Variants in FAM186B observed in about 807,000 individuals in gnomAD.
FAM186B encodes protein FAM186B.
FAM186B carries 68 observed loss-of-function variants against 83.4 expected under a neutral mutation model. The ratio of observed to expected loss-of-function variants is 0.81; its 90% CI spans 0.67 to 1.00. The LOEUF is 1.00. FAM186B is among the 50% of genes least tolerant of loss of function. FAM186B has a pLI of 0.00. For synonymous variants in FAM186B, 389 were observed against 422.0 expected (o/e 0.92, Z 0.96); for missense variants, 983 against 1,099.2 (o/e 0.89, Z 1.49).
chr12:49,600,577 C>T lies in FAM186B; in HGVS notation c.1063G>A (p.Glu355Lys). The T allele has an allele frequency of 6.2e-7, 1 of 1,613,018 alleles. No individual in the cohort carries two copies. Among genetic ancestry groups the T allele is most frequent in the Non-Finnish European group, 8.5e-7 (1 of 1,179,510 alleles). Reference sequence around the variant, plus strand: ...TTCATCGGTTCCTGTTGGCTTTCCTCCATGACTGTTTCTTTCCTTGGGAGG... The same window carrying T: ...TTCATCGGTTCCTGTTGGCTTTCCTTCATGACTGTTTCTTTCCTTGGGAGG... ...ETLPRKETVM[E>K]ESQQEPMKEE... Residue 355 changes from glutamate to lysine, a missense_variant, in exon 4 of 7, where the codon GAG becomes AAG. Transcript: ENST00000257894. This position sits in a 1 kb window ranked among gnomAD's most constrained non-coding sequence, Gnocchi z 4.3.
chr12:49,608,049 GAAAAAAAAGTACTACAGACT>G (rs1940052869), upstream of FAM186B, among the ~76,000 whole-genome samples: 1 of 150,582 alleles, frequency 6.6e-6, no homozygotes, highest in Non-Finnish European at 1.5e-5. Flanking sequence ...GACAAGAAAA[GAAAAAAAAGTACTACAGACT>G]AATATTGCTC....
intron 5 of FAM186B, among the ~76,000 whole-genome samples, chr12:49,591,714 G>C (rs1484043320): frequency 1.3e-5 from 2 of 152,094 alleles, no homozygotes; most frequent in Non-Finnish European, 2.9e-5. Flanking sequence ...CTTGCTATCC[G>C]TGGGGTATTG....
At chr12:49,605,131 C>T (rs1028763631) in intron 1 of FAM186B, 2 of 1,309,764 alleles carry the variant, frequency 1.5e-6, no homozygotes, top group Non-Finnish European at 2.0e-6. Flanking sequence ...TGCCTCAGGG[C>T]TATCCTCGAG....
chr12:49,584,423 C>G, downstream of FAM186B: 3 of 689,704 alleles, frequency 4.3e-6, no homozygotes, highest in South Asian at 3.0e-5. Context: ...GCATTTTGAC[C>G]AAGTTCTCTG....
chr12:49,596,944 C>T (rs1373515580), intron 5 of FAM186B, among the ~76,000 whole-genome samples: 2 of 152,216 alleles, frequency 1.3e-5, no homozygotes, highest in Non-Finnish European at 2.9e-5. Context: ...AACAACATTT[C>T]AGTAAATGAT....
downstream of FAM186B, chr12:49,584,497 G>A (rs908622081): frequency 3.7e-5 from 26 of 702,346 alleles, no homozygotes; most frequent in Admixed American, 1.2e-4. Context: ...GACTGGGGCT[G>A]TCTTGATCCT....
the FAM186B span, among the ~76,000 whole-genome samples, chr12:49,616,250 G>A: frequency 1.2e-3 from 177 of 152,212 alleles, 4 homozygotes; most frequent in South Asian, 1.0e-3. Flanking sequence ...GGCTGGTCTC[G>A]AACTCCTGAC....
chr12:49,605,318 G>T (rs1939989154), intron 1 of FAM186B, 64 bp downstream of exon 1: 1 of 1,565,228 alleles, frequency 6.4e-7, no homozygotes, highest in Non-Finnish European at 8.7e-7. Context: ...TCAAACCTGG[G>T]ATCAGCCCCC....
At chr12:49,617,707 ATATACT>A in the FAM186B span, among the ~76,000 whole-genome samples, 8 of 151,988 alleles carry the variant, frequency 5.3e-5, no homozygotes, top group Non-Finnish European at 1.2e-4. Flanking sequence ...ACCAGTTAAA[ATATACT>A]TAAAGTTTCT....
In FAM186B at chr12:49,599,600, A is replaced by G; in HGVS notation, c.2040T>C (p.Ser680=). Residue 680 remains serine, a synonymous_variant, in exon 4 of 7, where the codon TCT becomes TCC. Coordinates refer to ENST00000257894, the MANE Select transcript of FAM186B (RefSeq NM_032130.3). ...RKNLQLLSEE[S]ELRLPHYLRS... ...GCAGGTAGTGGGGCAGCCTCAACTC[A>G]GACTCCTCACTCAGGAGCTGCAGGT... 1 of 1,612,562 alleles carries G rather than the reference A, an allele frequency of 6.2e-7. No homozygotes were observed. Among genetic ancestry groups the G allele is most frequent in the Non-Finnish European group, 8.5e-7 (1 of 1,179,194 alleles).
chr12:49,599,935 A>C lies in FAM186B; in HGVS notation c.1705T>G (p.Leu569Val), dbSNP rs1278368484. The part of the protein sequence containing the change: ...IFTPTSRWRD[L>V]EKAELSLVPA... Reference sequence around the variant, plus strand: ...ACTAATGATAGCTCTGCCTTCTCCAAGTCCCTCCATCGACTGGTGGGTGTG... The same window carrying C: ...ACTAATGATAGCTCTGCCTTCTCCACGTCCCTCCATCGACTGGTGGGTGTG... Residue 569 changes from leucine (L) to valine (V), a missense_variant, in exon 4 of 7, where the codon TTG (leucine) becomes GTG (valine). Coordinates refer to ENST00000257894, the MANE Select transcript of FAM186B (RefSeq NM_032130.3). 6.2e-7 allele frequency: 1 copy of C among 1,613,850 alleles called. No homozygotes were observed. Among genetic ancestry groups the C allele is most frequent in the Admixed American group, 1.7e-5 (1 of 59,990 alleles).
chr12:49,619,660 G>A, the FAM186B span: 2 of 306,420 alleles, frequency 6.5e-6, no homozygotes, highest in Non-Finnish European at 1.3e-5. Flanking sequence ...ACTTTAGTTA[G>A]ACATCTCTTT....
chr12:49,599,281 A>G (rs1565809448), intron 4 of FAM186B, among the ~76,000 whole-genome samples, 188 bp downstream of exon 4: 1 of 152,292 alleles, frequency 6.6e-6, no homozygotes, highest in East Asian at 1.9e-4. Context: ...TTCTTCTCAC[A>G]TCTTCAAGGG....
At chr12:49,602,927 G>A (rs545724121) in intron 3 of FAM186B, among the ~76,000 whole-genome samples, 4 of 152,274 alleles carry the variant, frequency 2.6e-5, no homozygotes, top group Admixed American at 1.3e-4. Flanking sequence ...CAGAACCTAC[G>A]TGAGGCCACA....
the FAM186B span, among the ~76,000 whole-genome samples, chr12:49,621,271 T>C: frequency 6.6e-6 from 1 of 152,172 alleles, no homozygotes; most frequent in Non-Finnish European, 1.5e-5. Context: ...GAGTCCCAGA[T>C]ACTTGGGAGG....
At position 49,588,576 on chromosome 12, in the gene FAM186B, C is replaced by T. The variant is rs770833500; in HGVS notation, c.2412G>A (p.Ser804=). 7 of 1,610,162 alleles carry T rather than the reference C, an allele frequency of 4.3e-6. No individual in the cohort carries two copies. The highest frequency in any genetic ancestry group is 4.0e-5 in the African/African-American group (3 of 74,860). ...GCAACTTGCATTTCTTTGGCTTTGG[C>T]GAGGTGACCTCAGGGATGTTCAGGT... ...NVHLNIPEVT[S]PKPKKCKLPA... The change falls in exon 6 of 7, where the codon TCG becomes TCA. Residue 804 remains serine, a synonymous_variant. Transcript: ENST00000257894.
At chr12:49,596,871 A>G (rs1939738998) in intron 5 of FAM186B, among the ~76,000 whole-genome samples, 1 of 152,246 alleles carries the variant, frequency 6.6e-6, no homozygotes, top group East Asian at 1.9e-4. Flanking sequence ...ATATGGAAAC[A>G]ACCGAGGTGC....
chr12:49,600,335 T>G lies in FAM186B; in HGVS notation c.1305A>C (p.Glu435Asp). ...FPKKWERPVA[E>D]SLGHKDKDQE... ...GGTCTTTGTCTTTGTGGCCTAAGCT[T>G]TCTGCCACCGGTCTTTCCCATTTCT... is the stretch of plus-strand genomic sequence containing the variant. Residue 435 changes from glutamate (E) to aspartate (D), a missense_variant, in exon 4 of 7, where the codon GAA (glutamate) becomes GAC (aspartate). Physicochemically the swap from Glu to Asp is conservative, Grantham distance 45. Transcript: ENST00000257894. The surrounding 1 kb of genome is among the most constrained non-coding windows in gnomAD (Gnocchi z 4.3). 6.2e-7 allele frequency: 1 copy of G among 1,614,194 alleles called. No individual in the cohort carries two copies. The highest frequency in any genetic ancestry group is 8.5e-7 in the Non-Finnish European group (1 of 1,180,030).
At chr12:49,620,644 C>A in the FAM186B span, among the ~76,000 whole-genome samples, 1 of 152,168 alleles carries the variant, frequency 6.6e-6, no homozygotes, top group African/African-American at 2.4e-5. Context: ...ATTAAAGAAT[C>A]ATAACTGTAA....
Sources: allele counts gnomAD v4.1 joint callset (sites outside exome capture counted in the v4.1 genomes callset), GRCh38; gene constraint gnomAD v4.1.1; non-coding constraint Gnocchi (gnomAD v3.1); transcripts MANE v1.5; gene names NCBI Gene and HGNC (gene_info 2026-07-23, HGNC 2026-07-21).